SDK1: variants seen among roughly 807,000 people sequenced by gnomAD.
The protein encoded by SDK1 is protein sidekick-1.
Under a neutral mutation model 245.5 loss-of-function variants are expected in SDK1, and 157 were observed. The observed-to-expected ratio is 0.64, with a 90% CI of 0.56 to 0.73. SDK1 has a LOEUF of 0.73. Ranked by LOEUF, SDK1 falls within the 30% of genes least tolerant of loss-of-function variation. The pLI is 0.00. For missense variants in SDK1, 3,583 were observed against 3,002.3 expected (o/e 1.19, Z -4.52); for synonymous variants, 1,647 against 1,278.5 (o/e 1.29, Z -6.15).
chr7:3,766,680 G>T lies in SDK1; in HGVS notation c.714-54770G>T, dbSNP rs541468511. 2.1e-4 allele frequency among the ~76,000 whole-genome samples: 32 copies of T among 152,258 alleles called. 1 individual carries two copies. Among genetic ancestry groups the T allele is most frequent in the African/African-American group, 7.7e-4 (32 of 41,554 alleles). On this transcript the variant is annotated intron_variant, in intron 4 of 44. Coordinates refer to ENST00000404826, the MANE Select transcript of SDK1 (RefSeq NM_152744.4). ...GTTATTATGGGCTATTATGACTTCA[G>T]AAATAATAAATATAAAGCTAATATT...
Position 3,473,866 on chromosome 7 carries a change from C to G in SDK1, c.299-145214C>G, listed in dbSNP as rs375484680. ...TATTTTTCTAATTTTTTTTTCCTCT[C>G]CAAATTCGCGTATGTTCCTAGCTAC... On this transcript the variant is annotated intron_variant, in intron 1 of 44. Transcript: ENST00000404826. Among the ~76,000 whole-genome samples the G allele has an allele frequency of 9.2e-5, 14 of 151,916 alleles. No individual in the cohort carries two copies. The South Asian group carries it at 1.7e-3, about 18-fold the overall frequency.
At chr7:3,400,901 C>A (rs73052668) in intron 1 of SDK1, among the ~76,000 whole-genome samples, 4,910 of 152,236 alleles carry the variant, frequency 0.032, 144 homozygotes, top group African/African-American at 0.061. Context: ...GCTTATGGAG[C>A]TTATCTCTAC....
Position 4,232,460 on chromosome 7 carries a change from T to C in SDK1, c.5828-795T>C, listed in dbSNP as rs77437294. ...TGTGAAGTCATAAAAATTGCAAAGT[T>C]CTTTGTTTGTTTTTTGAGATAGAGT... is the stretch of plus-strand genomic sequence containing the variant. On this transcript the variant is annotated intron_variant, in intron 40 of 44. Transcript: ENST00000404826. 3.7e-4 allele frequency among the ~76,000 whole-genome samples: 53 copies of C among 142,604 alleles called. No homozygotes were observed. In the East Asian group the frequency reaches 9.7e-3, roughly 26 times the overall value. 93.6% of individuals were successfully genotyped at this position (142,604 alleles called of 152,430 possible). A position where few individuals can be genotyped will look rare whatever the true frequency, so the allele number is the denominator to read the frequency against.
chr7:4,083,545 C>G, intron 22 of SDK1, among the ~76,000 whole-genome samples: 1 of 108,126 alleles, frequency 9.2e-6, no homozygotes, highest in East Asian at 2.5e-4. Flanking sequence ...TCCCTCCCTC[C>G]CTCCCTCCCT....
intron 4 of SDK1, among the ~76,000 whole-genome samples, chr7:3,726,848 A>G (rs143941081): frequency 3.9e-5 from 6 of 152,218 alleles, no homozygotes; most frequent in South Asian, 2.1e-4. Context: ...TCTTTACTCA[A>G]CCCTTGACAT....
intron 1 of SDK1, among the ~76,000 whole-genome samples, chr7:3,510,813 G>C (rs1473920937): frequency 2.6e-5 from 4 of 152,316 alleles, no homozygotes; most frequent in African/African-American, 7.2e-5. Flanking sequence ...CGTTCATGGA[G>C]ATTCTCTGTA....
rs189454803 is a variant in SDK1, at chr7:4,145,956, G to A, written c.4423+40G>A. The A allele has an allele frequency of 3.9e-6, 6 of 1,547,446 alleles. No individual in the cohort carries two copies. The East Asian group carries it at 6.8e-5, about 18-fold the overall frequency. ...GACCCGGGGGTACTGCAGATGTTGT[G>A]GGCACAGCTTCCTCAATCAGGCCCT... is the stretch of plus-strand genomic sequence containing the variant. On this transcript the variant is annotated intron_variant, in intron 29 of 44. Transcript: ENST00000404826.
intron 4 of SDK1, among the ~76,000 whole-genome samples, chr7:3,820,691 C>A (rs752737951): frequency 6.6e-6 from 1 of 152,214 alleles, no homozygotes; most frequent in African/African-American, 2.4e-5. Context: ...CCCTTCTCTG[C>A]TGTTAAGTTG....
At chr7:3,581,646 G>A (rs1014203410) in intron 1 of SDK1, among the ~76,000 whole-genome samples, 3 of 152,132 alleles carry the variant, frequency 2.0e-5, no homozygotes, top group African/African-American at 7.2e-5. Flanking sequence ...CCATTAATGG[G>A]TATATACCCA....
At chr7:4,174,082 A>T in intron 32 of SDK1, 140 bp from the exon 33 acceptor site, 1 of 851,408 alleles carries the variant, frequency 1.2e-6, no homozygotes, top group East Asian at 2.4e-5. Flanking sequence ...GTTCGTCTTG[A>T]TGAATCTGAC....
intron 4 of SDK1, among the ~76,000 whole-genome samples, chr7:3,728,399 G>C (rs2115037840): frequency 6.6e-6 from 1 of 152,328 alleles, no homozygotes; most frequent in South Asian, 2.1e-4. Context: ...ATTGAGAATT[G>C]CATTAGGAAG....
chr7:3,413,525 T>G (rs1302388734), intron 1 of SDK1, among the ~76,000 whole-genome samples: 1 of 151,356 alleles, frequency 6.6e-6, no homozygotes, highest in African/African-American at 2.4e-5. Context: ...TGAAACTCCG[T>G]CTCTACTAAA....
At chr7:3,986,293 C>T (rs1438541237) in intron 13 of SDK1, among the ~76,000 whole-genome samples, 2 of 152,040 alleles carry the variant, frequency 1.3e-5, no homozygotes, top group Non-Finnish European at 2.9e-5. Flanking sequence ...TTTACCATTT[C>T]CATGGGATTT....
At position 4,049,471 on chromosome 7, in the gene SDK1, G is replaced by T. The variant is rs7794939; in HGVS notation, c.2718+8G>T. ...ATCAACCAGGGATACAAGGTACGTG[G>T]CCTGGGTTCAGGGCCTGTGGGCAGC... On this transcript the variant is annotated splice_region_variant and intron_variant, in intron 18 of 44. Transcript: ENST00000404826. 248,314 of 1,604,282 alleles carry T rather than the reference G, an allele frequency of 0.15. 23,810 individuals carry two copies. Among genetic ancestry groups the T allele is most frequent in the African/African-American group, 0.48 (35,739 of 74,724 alleles).
rs1779065358 is a variant in SDK1 at position 3,799,945 on chromosome 7, C to T, written c.714-21505C>T. 3.9e-5 allele frequency among the ~76,000 whole-genome samples: 6 copies of T among 152,158 alleles called. No homozygotes were observed. In the South Asian group the frequency reaches 1.2e-3, roughly 32 times the overall value. The stretch of plus-strand genomic sequence containing the variant: ...TGTCTCCTGGGTGAAGTTTTGGGTC[C>T]TTGTCTCCATGAGATGGAAAAATAT... On this transcript the variant is annotated intron_variant, in intron 4 of 44. Transcript: ENST00000404826.
At chr7:3,614,545 T>C (rs1039420056) in intron 1 of SDK1, among the ~76,000 whole-genome samples, 1 of 152,236 alleles carries the variant, frequency 6.6e-6, no homozygotes, top group African/African-American at 2.4e-5. Flanking sequence ...TTAAAGTATG[T>C]AAAGATCAAA....
In SDK1 at chr7:3,457,710, A is replaced by C. The variant is rs143104942; in HGVS notation, c.298+155826A>C. Among the ~76,000 whole-genome samples the C allele has an allele frequency of 2.9e-3, 439 of 152,264 alleles. 6 individuals carry two copies. The highest frequency in any genetic ancestry group is 0.01 in the Middle Eastern group (3 of 294). On this transcript the variant is annotated intron_variant, in intron 1 of 44. Coordinates refer to ENST00000404826, the MANE Select transcript of SDK1 (RefSeq NM_152744.4). ...CTGGAGATCTTCCTCTAAGAGCTAC[A>C]CATCAGTATGAGCTGATTGTTCTCT... is the stretch of plus-strand genomic sequence containing the variant.
chr7:3,847,608 C>T (rs993830792), intron 5 of SDK1, among the ~76,000 whole-genome samples: 1 of 152,208 alleles, frequency 6.6e-6, no homozygotes, highest in African/African-American at 2.4e-5. Context: ...CTCTCATTAT[C>T]TCTCACTGGA....
At position 4,171,868 on chromosome 7, in the gene SDK1, C is replaced by G. The variant is rs889489368; in HGVS notation, c.4801-2354C>G. On this transcript the variant is annotated intron_variant, in intron 32 of 44. Coordinates refer to ENST00000404826, the MANE Select transcript of SDK1 (RefSeq NM_152744.4). ...GATACGTGACCCTTGTAACTTTCTG[C>G]AAAATTGAAGAGGGCTGTGGGGCAT... Among the ~76,000 whole-genome samples the G allele has an allele frequency of 2.6e-5, 4 of 152,236 alleles. No individual in the cohort carries two copies. In the East Asian group the frequency reaches 7.7e-4, roughly 29 times the overall value.
Sources: allele counts gnomAD v4.1 joint callset (sites outside exome capture counted in the v4.1 genomes callset), GRCh38; gene constraint gnomAD v4.1.1; transcripts MANE v1.5; gene names NCBI Gene and HGNC (gene_info 2026-07-23, HGNC 2026-07-21).